AIFM3: variants seen among roughly 807,000 people sequenced by gnomAD.
AIFM3 encodes apoptosis-inducing factor 3.
A neutral mutation model predicts 82.7 loss-of-function variants in AIFM3; 71 were observed. That is an observed-to-expected ratio of 0.86 (90% CI 0.71 to 1.05). AIFM3 has a LOEUF of 1.05. Among genes scored for constraint, AIFM3 ranks in the 50% least tolerant of loss-of-function variants. AIFM3 has a pLI of 0.00. For missense variants in AIFM3, 748 were observed against 816.7 expected, an observed-to-expected ratio of 0.92 and a Z score of 1.03; for synonymous variants, 337 against 329.1, an observed-to-expected ratio of 1.02 and a Z score of -0.26.
chr22:20,980,114 C>T lies in AIFM3; in HGVS notation c.1747C>T (p.Arg583Trp), dbSNP rs770206811. Residue 583 changes from arginine (R) to tryptophan (W), a missense_variant, in exon 19 of 21, where the codon CGG becomes TGG. Around this residue, in one of 5 missense-constraint regions of AIFM3, gnomAD observed 183 missense variants for 158.2 expected, o/e 1.16. Transcript: ENST00000440238. ...GGCCTCAGGCCGTGCCATCCGGAAG[C>T]GGGAGGTGGAGTGAGTGTGGGTGTG... Reference protein sequence around the residue: ...VLASGRAIRKREVELFVLHSK... With the variant: ...VLASGRAIRKWEVELFVLHSK... The T allele has an allele frequency of 3.7e-6, 6 of 1,607,680 alleles. No individual in the cohort carries two copies. Among genetic ancestry groups the T allele is most frequent in the Admixed American group, 1.7e-5 (1 of 59,996 alleles).
chr22:20,966,314 G>A (rs1922892450), upstream of AIFM3, among the ~76,000 whole-genome samples: 1 of 152,220 alleles, frequency 6.6e-6, no homozygotes, highest in Non-Finnish European at 1.5e-5. Context: ...GGGCAGGTGG[G>A]GCAGGTGGCA....
chr22:20,976,332 C>T (rs369989227), intron 10 of AIFM3, 26 bp downstream of exon 10: 23 of 1,613,600 alleles, frequency 1.4e-5, no homozygotes, highest in African/African-American at 1.2e-4. Context: ...TTTTACCCAT[C>T]GGACACTAGG....
At chr22:20,977,674 G>A (rs779457454) in intron 14 of AIFM3, 26 bp from the exon 15 acceptor site, 1 of 1,613,942 alleles carries the variant, frequency 6.2e-7, no homozygotes, top group South Asian at 1.1e-5. Flanking sequence ...GGACAGGGGA[G>A]TGGACACAGG....
rs1194127031 is a variant in AIFM3, at chr22:20,980,598, G to A, written c.1758-149G>A. The stretch of plus-strand genomic sequence containing the variant: ...TTCACCCTCTGGGAGAGAGCTCCCA[G>A]GGACTGGGGACAGCCTGGAGGCCAC... On this transcript the variant is annotated intron_variant, in intron 19 of 20. Transcript: ENST00000440238. The A allele has an allele frequency of 4.3e-6, 4 of 935,216 alleles. No homozygotes were observed. The Admixed American group carries it at 5.2e-5, about 12-fold the overall frequency. 57.9% of individuals were successfully genotyped at this position (935,216 alleles called of 1,614,324 possible). A position where few individuals can be genotyped will look rare whatever the true frequency, so the allele number is the denominator to read the frequency against.
At chr22:20,979,812 A>G in intron 18 of AIFM3, 110 bp downstream of exon 18, 1 of 1,410,188 alleles carries the variant, frequency 7.1e-7, no homozygotes, top group Non-Finnish European at 9.9e-7. Context: ...AGCCCCGCTG[A>G]GGAGTGCTGG....
intron 19 of AIFM3, chr22:20,980,443 C>T: frequency 1.7e-6 from 1 of 597,040 alleles, no homozygotes. Flanking sequence ...TTGTGCTGAG[C>T]CTGGCAGAAG....
intron 8 of AIFM3, among the ~76,000 whole-genome samples, chr22:20,975,110 GCAC>G (rs1923556336): frequency 1.3e-5 from 2 of 152,108 alleles, no homozygotes; most frequent in Non-Finnish European, 2.9e-5. Flanking sequence ...TTACAGGTGT[GCAC>G]CACCACCATG....
rs868701766 is a variant in AIFM3 at position 20,979,298 on chromosome 22, C to T, written c.1505C>T (p.Ala502Val). The T allele has an allele frequency of 6.4e-7, 1 of 1,559,602 alleles. No individual in the cohort carries two copies. Among genetic ancestry groups the T allele is most frequent in the South Asian group, 1.2e-5 (1 of 84,692 alleles). The change falls in exon 17 of 21, where the codon GCG becomes GTG. Residue 502 changes from alanine to valine, a missense_variant. Physicochemically the swap from Ala to Val is moderately conservative, Grantham distance 64. Around this residue, in one of 5 missense-constraint regions of AIFM3, gnomAD observed 183 missense variants for 158.2 expected, o/e 1.16. Coordinates refer to ENST00000440238, the MANE Select transcript of AIFM3 (RefSeq NM_001386814.1). ...QGRVAAQNML[A>V]QEAEMSTVPY... The stretch of plus-strand genomic sequence containing the variant: ...CGCGTGGCAGCCCAGAACATGTTGG[C>T]GCAGGAGGCGGAGATGAGCACTGTG...
chr22:20,965,349 G>C (rs1922806524), upstream of AIFM3: 1 of 151,996 alleles, frequency 6.6e-6, no homozygotes, highest in Non-Finnish European at 1.5e-5. Context: ...CTGGGGGTTG[G>C]CAAGCGGGGC....
In AIFM3 at chr22:20,973,477, G is replaced by A. The variant is rs768504151; in HGVS notation, c.202G>A (p.Val68Met). 5.0e-6 allele frequency: 8 copies of A among 1,612,922 alleles called. No homozygotes were observed. Among genetic ancestry groups the A allele is most frequent in the South Asian group, 3.3e-5 (3 of 91,068 alleles). Reference sequence around the variant, plus strand: ...CCCCTACCCCAGCCCTCAGGATTGCGTGGAGGCTGCTGTCTGCCACGTCAA... The same window carrying A: ...CCCCTACCCCAGCCCTCAGGATTGCATGGAGGCTGCTGTCTGCCACGTCAA... ...PHPYPSPQDC[V>M]EAAVCHVKDL... Residue 68 changes from valine to methionine, a missense_variant, in exon 3 of 21, where the codon GTG becomes ATG. This residue lies in a region of AIFM3 where 148 missense variants were observed against 134.1 expected (regional missense o/e 1.10). Transcript: ENST00000440238.
At chr22:20,977,158 G>GC in intron 14 of AIFM3, 63 bp downstream of exon 14, 2 of 1,605,804 alleles carry the variant, frequency 1.2e-6, no homozygotes, top group Non-Finnish European at 1.7e-6. Context: ...GCTCACATGT[G>GC]ACCTTGGGCT....
intron 9 of AIFM3, 140 bp downstream of exon 9, chr22:20,975,918 G>A (rs1923617268): frequency 7.3e-6 from 7 of 958,180 alleles, no homozygotes; most frequent in South Asian, 3.0e-5. Context: ...CCAGGCTTGG[G>A]AGACAGCAAG....
intron 2 of AIFM3, 106 bp downstream of exon 2, chr22:20,968,081 C>A: frequency 1.7e-6 from 2 of 1,147,096 alleles, no homozygotes; most frequent in South Asian, 1.5e-5. Context: ...CGAAGTAGGT[C>A]AGGCTATCCA....
chr22:20,974,294 C>T lies in AIFM3; in HGVS notation c.508C>T (p.Gln170Ter). ...KEKVYVRASK[Q>*]ALQLQRRTKV... is the part of the protein sequence containing the mutation. Reference sequence around the variant, plus strand: ...GAAGGTGTACGTCCGGGCCAGCAAGCAGGTGAGGGGATAGCTCGGGGCTCA... The same window carrying T: ...GAAGGTGTACGTCCGGGCCAGCAAGTAGGTGAGGGGATAGCTCGGGGCTCA... Residue 170 changes from glutamine (Q) to a stop codon, truncating the protein, a stop_gained and splice_region_variant, in exon 6 of 21, where the codon CAG (glutamine) becomes TAG (stop). Transcript: ENST00000440238. LOFTEE classifies it high-confidence loss of function. The T allele has an allele frequency of 6.2e-7, 1 of 1,613,474 alleles. No individual in the cohort carries two copies. The highest frequency in any genetic ancestry group is 8.5e-7 in the Non-Finnish European group (1 of 1,179,932).
intron 2 of AIFM3, among the ~76,000 whole-genome samples, chr22:20,972,341 G>A (rs1923318891): frequency 6.7e-6 from 1 of 150,268 alleles, no homozygotes; most frequent in Non-Finnish European, 1.5e-5. Context: ...GGGGGAAGTT[G>A]CAGTGAGCCA....
chr22:20,980,057 G>T lies in AIFM3; in HGVS notation c.1690G>T (p.Asp564Tyr). The T allele has an allele frequency of 1.9e-6, 3 of 1,611,522 alleles. No homozygotes were observed. The highest frequency in any genetic ancestry group is 2.5e-6 in the Non-Finnish European group (3 of 1,180,002). ...GATCGCCGTGGCCAGCATGAACTACGATCCCATTGTGTCCAAGGTCGCTGA... is the reference window on the plus strand; with the variant it reads ...GATCGCCGTGGCCAGCATGAACTACTATCCCATTGTGTCCAAGGTCGCTGA... ...EVIAVASMNYDPIVSKVAEVL... is the reference protein window; with the variant it reads ...EVIAVASMNYYPIVSKVAEVL... The change falls in exon 19 of 21, where the codon GAT becomes TAT. Residue 564 changes from aspartate (D) to tyrosine (Y), a missense_variant. Asp to Tyr is a radical substitution (Grantham distance 160). Coordinates refer to ENST00000440238, the MANE Select transcript of AIFM3 (RefSeq NM_001386814.1).
chr22:20,975,558 C>T, intron 8 of AIFM3, 134 bp from the exon 9 acceptor site: 1 of 793,282 alleles, frequency 1.3e-6, no homozygotes, highest in Admixed American at 2.0e-5. Flanking sequence ...GCATGAGTCA[C>T]TGCGCCTGGC....
intron 2 of AIFM3, among the ~76,000 whole-genome samples, chr22:20,970,775 A>T (rs1446075249): frequency 2.0e-5 from 3 of 151,758 alleles, no homozygotes; most frequent in Admixed American, 2.0e-4. Flanking sequence ...GGCAATTTTT[A>T]AATTTTTTGT....
intron 2 of AIFM3, among the ~76,000 whole-genome samples, chr22:20,969,851 T>C (rs1482294918): frequency 2.6e-5 from 4 of 152,064 alleles, no homozygotes; most frequent in Non-Finnish European, 5.9e-5. Context: ...ATTTGGGGCC[T>C]GAGGGTTCAG....
Sources: gnomAD v4.1 joint callset for allele counts (sites outside exome capture counted in the v4.1 genomes callset) on GRCh38, gnomAD v4.1.1 for gene constraint, gnomAD v4.1.1 regional missense constraint, MANE v1.5 for transcripts, NCBI Gene and HGNC (gene_info 2026-07-23, HGNC 2026-07-21) for gene names.